Variants in TFB1M observed in about 807,000 individuals in gnomAD.
TFB1M encodes the protein dimethyladenosine transferase 1, mitochondrial.
A neutral mutation model predicts 31.1 loss-of-function variants in TFB1M; 27 were observed. The observed-to-expected ratio is 0.87, with a 90% confidence interval of 0.64 to 1.20. The LOEUF is 1.20. Ranked by LOEUF, TFB1M falls within the 50% of genes most tolerant of loss-of-function variation. The pLI is 0.00. For missense variants in TFB1M, 394 were observed against 418.7 expected (o/e 0.94, Z 0.51); for synonymous variants, 166 against 151.8 (o/e 1.09, Z -0.69).
chr6:155,256,489 T>C lies in TFB1M; in HGVS notation c.*1347A>G, dbSNP rs781738784. The C allele has an allele frequency of 1.2e-6, 2 of 1,614,208 alleles. No homozygotes were observed. Among genetic ancestry groups the C allele is most frequent in the South Asian group, 2.2e-5 (2 of 91,070 alleles). ...ATGTGTTTTTCTCACTGTAGCTTCA[T>C]CCAGGTCTTTAAAAGTCCTGAAGAA... On this transcript the variant is annotated 3_prime_UTR_variant, in exon 7 of 7. Transcript: ENST00000367166.
chr6:155,245,754 A>ATTTTTTT, the TFB1M span: 139 of 562,420 alleles, frequency 2.5e-4, no homozygotes, highest in South Asian at 2.9e-4. Flanking sequence ...TGCCTTTTAT[A>ATTTTTTT]GTTTTTTTTT....
chr6:155,289,419 G>A (rs184695274), intron 4 of TFB1M, among the ~76,000 whole-genome samples: 2 of 152,286 alleles, frequency 1.3e-5, no homozygotes, highest in Admixed American at 1.3e-4. Flanking sequence ...TTGAGCCTCA[G>A]TTCATCATTT....
the TFB1M span, among the ~76,000 whole-genome samples, chr6:155,243,113 G>A: frequency 6.6e-6 from 1 of 152,140 alleles, no homozygotes; most frequent in Non-Finnish European, 1.5e-5. Flanking sequence ...CCACTATACT[G>A]TCCTGCTGGA....
intron 6 of TFB1M, 119 bp downstream of exon 6, chr6:155,260,154 G>C: frequency 8.6e-7 from 1 of 1,169,470 alleles, no homozygotes; most frequent in South Asian, 1.3e-5. Context: ...TCCGTCACAG[G>C]CCTGAACTAA....
At position 155,311,033 on chromosome 6, in the gene TFB1M, A is replaced by C. The variant is rs1404407281; in HGVS notation, c.285+155T>G. The stretch of plus-strand genomic sequence containing the variant: ...AAAATGGAGATTTCCAGATTTCTCC[A>C]GACTATGGAATCAAAATCTCTGGAA... On this transcript the variant is annotated intron_variant, in intron 2 of 6. Coordinates refer to ENST00000367166, the MANE Select transcript of TFB1M (RefSeq NM_016020.4). 3 of 806,666 alleles carry C rather than the reference A, an allele frequency of 3.7e-6. No homozygotes were observed. In the African/African-American group the frequency reaches 5.2e-5, roughly 14 times the overall value. The allele number at this position is 806,666 out of a possible 1,614,324, so 50.0% of individuals were successfully genotyped here. A position where few individuals can be genotyped will look rare whatever the true frequency, so the allele number is the denominator to read the frequency against.
intron 1 of TFB1M, among the ~76,000 whole-genome samples, chr6:155,312,983 C>T (rs920465663): frequency 6.6e-6 from 1 of 152,062 alleles, no homozygotes; most frequent in African/African-American, 2.4e-5. Context: ...CATGGTGGCT[C>T]ACACCTGTAA....
At chr6:155,291,272 G>A (rs1776912309) in intron 4 of TFB1M, among the ~76,000 whole-genome samples, 1 of 152,170 alleles carries the variant, frequency 6.6e-6, no homozygotes, top group South Asian at 2.1e-4. Context: ...CGGAGAATTG[G>A]AGATTGCTTG....
In TFB1M at chr6:155,256,289, C is replaced by T; in HGVS notation, c.*1547G>A. ...TAAAAATGCTGAATTGCCTAACTTA[C>T]AACTGTAAACCTAAGTCAAAAATGT... On this transcript the variant is annotated 3_prime_UTR_variant, in exon 7 of 7. Coordinates refer to ENST00000367166, the MANE Select transcript of TFB1M (RefSeq NM_016020.4). 1.3e-6 allele frequency: 1 copy of T among 759,384 alleles called. No homozygotes were observed. The highest frequency in any genetic ancestry group is 2.1e-6 in the Non-Finnish European group (1 of 479,420). The allele number at this position is 759,384 out of a possible 1,614,324, so 47.0% of individuals were successfully genotyped here. A position where few individuals can be genotyped will look rare whatever the true frequency, so the allele number is the denominator to read the frequency against.
the TFB1M span, chr6:155,250,471 G>T: frequency 7.4e-7 from 1 of 1,345,158 alleles, no homozygotes; most frequent in South Asian, 1.3e-5. Flanking sequence ...AAAATGGCAG[G>T]AACAGGAAAG....
At chr6:155,243,618 A>AGGAG in the TFB1M span, among the ~76,000 whole-genome samples, 1 of 152,210 alleles carries the variant, frequency 6.6e-6, no homozygotes, top group South Asian at 2.1e-4. Flanking sequence ...AGGCCAAGGC[A>AGGAG]GGAGGATCAC....
chr6:155,262,447 C>T (rs1168174108), intron 5 of TFB1M, among the ~76,000 whole-genome samples: 2 of 152,162 alleles, frequency 1.3e-5, no homozygotes, highest in Admixed American at 6.5e-5. Flanking sequence ...ATTTCCCTTT[C>T]ATCCCCTGAG....
At chr6:155,273,538 C>T (rs1449451954) in intron 5 of TFB1M, among the ~76,000 whole-genome samples, 1 of 152,238 alleles carries the variant, frequency 6.6e-6, no homozygotes, top group Non-Finnish European at 1.5e-5. Context: ...GGCCTATTAA[C>T]ATCCTCTACA....
At chr6:155,301,595 C>G (rs1777433604) in intron 2 of TFB1M, among the ~76,000 whole-genome samples, 1 of 152,204 alleles carries the variant, frequency 6.6e-6, no homozygotes, top group Non-Finnish European at 1.5e-5. Context: ...CACCAGATTA[C>G]AGCCAAATGA....
At chr6:155,247,554 G>T in the TFB1M span, among the ~76,000 whole-genome samples, 1 of 152,050 alleles carries the variant, frequency 6.6e-6, no homozygotes, top group Admixed American at 6.5e-5. Flanking sequence ...TCTCGAACTC[G>T]TGACCTCAGG....
chr6:155,236,038 A>G, the TFB1M span, among the ~76,000 whole-genome samples: 66,657 of 151,792 alleles, frequency 0.44, 15,881 homozygotes, highest in Middle Eastern at 0.57. Flanking sequence ...TCAGGACTGC[A>G]GAATTATATT....
intron 4 of TFB1M, among the ~76,000 whole-genome samples, chr6:155,285,656 C>A (rs907678073): frequency 1.3e-5 from 2 of 152,182 alleles, no homozygotes; most frequent in African/African-American, 4.8e-5. Flanking sequence ...TGCTTAAACA[C>A]TTAATTTTCT....
the TFB1M span, among the ~76,000 whole-genome samples, chr6:155,239,379 G>A: frequency 9.2e-5 from 14 of 152,340 alleles, no homozygotes; most frequent in Admixed American, 8.5e-4. Context: ...GCTGCTGGCG[G>A]AGATGTGAAA....
chr6:155,239,132 G>C, the TFB1M span, among the ~76,000 whole-genome samples: 2 of 152,200 alleles, frequency 1.3e-5, no homozygotes, highest in Non-Finnish European at 2.9e-5. Context: ...AATGAATTAT[G>C]TGAATATTAA....
the TFB1M span, chr6:155,240,443 A>G: frequency 7.1e-7 from 1 of 1,414,928 alleles, no homozygotes; most frequent in African/African-American, 1.4e-5. Flanking sequence ...TGCTGAGCAC[A>G]GACGGAGACA....
Sources: gnomAD v4.1 joint callset for allele counts (sites outside exome capture counted in the v4.1 genomes callset) on GRCh38, gnomAD v4.1.1 for gene constraint, MANE v1.5 for transcripts, NCBI Gene and HGNC (gene_info 2026-07-23, HGNC 2026-07-21) for gene names.